NELL2: variants seen among roughly 807,000 people sequenced by gnomAD.
The protein encoded by NELL2 is neural EGFL like 2.
Under a neutral mutation model 109.6 loss-of-function variants are expected in NELL2, and 41 were observed. That is an observed-to-expected ratio of 0.37 (90% confidence interval 0.29 to 0.49). NELL2 has a LOEUF of 0.49. Among genes scored for constraint, NELL2 ranks in the 20% least tolerant of loss-of-function variants. The pLI, the probability that NELL2 is intolerant of heterozygous loss-of-function variation, is 0.98. For missense variants in NELL2, 900 were observed against 1,008.3 expected, an observed-to-expected ratio of 0.89 and a Z score of 1.45; for synonymous variants, 355 against 344.7, an observed-to-expected ratio of 1.03 and a Z score of -0.33.
At chr12:44,901,313 T>C (rs1243771350) in intron 1 of NELL2, among the ~76,000 whole-genome samples, 7 of 152,146 alleles carry the variant, frequency 4.6e-5, no homozygotes, top group Non-Finnish European at 7.4e-5. Context: ...AATGGATAAA[T>C]TCCTGGACAC....
chr12:44,652,868 T>C (rs530252970), intron 13 of NELL2, among the ~76,000 whole-genome samples: 1 of 152,318 alleles, frequency 6.6e-6, no homozygotes, highest in South Asian at 2.1e-4. Context: ...TGCTAGAGGA[T>C]GTCTATGTTC....
At chr12:44,889,450 A>G (rs1367193898) in intron 1 of NELL2, among the ~76,000 whole-genome samples, 1 of 151,968 alleles carries the variant, frequency 6.6e-6, no homozygotes, top group Non-Finnish European at 1.5e-5. Flanking sequence ...CAGAGTGAGC[A>G]TTGGCTGCTT....
chr12:44,873,844 A>G (rs1266053077), intron 2 of NELL2, among the ~76,000 whole-genome samples: 3 of 152,082 alleles, frequency 2.0e-5, no homozygotes, highest in Admixed American at 1.3e-4. Context: ...ATATTTGGTC[A>G]TTGTTTTTAA....
intron 2 of NELL2, among the ~76,000 whole-genome samples, chr12:44,866,424 T>C (rs1187088539): frequency 6.6e-6 from 1 of 152,058 alleles, no homozygotes; most frequent in East Asian, 1.9e-4. Context: ...AGAAGACATC[T>C]TGAAACACAT....
At chr12:44,839,356 T>G (rs1944152341) in intron 2 of NELL2, among the ~76,000 whole-genome samples, 1 of 152,096 alleles carries the variant, frequency 6.6e-6, no homozygotes, top group African/African-American at 2.4e-5. Context: ...AAGACTATAT[T>G]GGAAGAAACA....
At chr12:44,568,418 A>G (rs1943738905) in intron 15 of NELL2, among the ~76,000 whole-genome samples, 1 of 152,146 alleles carries the variant, frequency 6.6e-6, no homozygotes, top group African/African-American at 2.4e-5. Flanking sequence ...ATCTGATATC[A>G]TGAAGATGAA....
At chr12:44,666,487 T>C (rs555508169) in intron 12 of NELL2, among the ~76,000 whole-genome samples, 30 of 152,354 alleles carry the variant, frequency 2.0e-4, no homozygotes, top group Non-Finnish European at 3.7e-4. Flanking sequence ...TAGCACTGAA[T>C]TCATTTATAC....
At chr12:44,832,956 T>C (rs1029983790) in intron 2 of NELL2, among the ~76,000 whole-genome samples, 1 of 152,160 alleles carries the variant, frequency 6.6e-6, no homozygotes, top group African/African-American at 2.4e-5. Context: ...GGTTTGAGTA[T>C]TTTCTTAGCA....
chr12:44,613,604 A>T (rs997880328), intron 13 of NELL2, among the ~76,000 whole-genome samples: 1 of 152,096 alleles, frequency 6.6e-6, no homozygotes, highest in Non-Finnish European at 1.5e-5. Context: ...TAATTCCTTT[A>T]CACTATCACT....
chr12:44,791,131 A>ATG, intron 3 of NELL2, among the ~76,000 whole-genome samples: 2 of 100,138 alleles, frequency 2.0e-5, no homozygotes, highest in African/African-American at 8.4e-5. Context: ...GTATATATAT[A>ATG]TATACACACG....
intron 2 of NELL2, among the ~76,000 whole-genome samples, chr12:44,855,294 C>A (rs576576166): frequency 6.6e-6 from 1 of 152,246 alleles, no homozygotes; most frequent in Non-Finnish European, 1.5e-5. Context: ...GGATTCATCC[C>A]CAGAAATTTA....
At chr12:44,712,401 T>C (rs890182373) in intron 10 of NELL2, among the ~76,000 whole-genome samples, 1 of 152,086 alleles carries the variant, frequency 6.6e-6, no homozygotes, top group African/African-American at 2.4e-5. Context: ...GCTAGTCTTC[T>C]TTTGGTTTAG....
At chr12:44,696,581 C>T (rs1371621917) in intron 12 of NELL2, among the ~76,000 whole-genome samples, 1 of 152,112 alleles carries the variant, frequency 6.6e-6, no homozygotes, top group Non-Finnish European at 1.5e-5. Flanking sequence ...TTGCACTATT[C>T]AGAATAATTT....
intron 15 of NELL2, among the ~76,000 whole-genome samples, chr12:44,589,855 A>G (rs1944679672): frequency 6.6e-6 from 1 of 152,080 alleles, no homozygotes; most frequent in Non-Finnish European, 1.5e-5. Flanking sequence ...TTTCCAACCC[A>G]CTAAATACCA....
chr12:44,844,174 A>AAACCT (rs1944305852), intron 2 of NELL2, among the ~76,000 whole-genome samples: 1 of 152,224 alleles, frequency 6.6e-6, no homozygotes, highest in Admixed American at 6.5e-5. Context: ...CACAAGGGAG[A>AAACCT]AACCTTTACA....
intron 2 of NELL2, among the ~76,000 whole-genome samples, chr12:44,816,592 A>G (rs1053979762): frequency 6.6e-6 from 1 of 152,140 alleles, no homozygotes; most frequent in African/African-American, 2.4e-5. Flanking sequence ...TCTATGTGCC[A>G]CCCTCCACAT....
At chr12:44,512,766 T>A (rs1180257246) in intron 19 of NELL2, among the ~76,000 whole-genome samples, 1 of 151,950 alleles carries the variant, frequency 6.6e-6, no homozygotes, top group Admixed American at 6.6e-5. Flanking sequence ...AGCTAAAAAA[T>A]TCATCTTATA....
chr12:44,670,423 G>A (rs583575), intron 12 of NELL2, among the ~76,000 whole-genome samples: 78,464 of 151,338 alleles, frequency 0.52, 21,365 homozygotes, highest in East Asian at 0.73. Context: ...AGAATATGTA[G>A]AACAATCAGA....
chr12:44,580,485 G>A (rs1372654511), intron 15 of NELL2, among the ~76,000 whole-genome samples: 5 of 152,146 alleles, frequency 3.3e-5, no homozygotes, highest in Admixed American at 3.3e-4. Flanking sequence ...GGGAGGCCGA[G>A]GTGGGCAGAT....
Sources: gnomAD v4.1 joint callset for allele counts (sites outside exome capture counted in the v4.1 genomes callset) on GRCh38, gnomAD v4.1.1 for gene constraint, MANE v1.5 for transcripts, NCBI Gene and HGNC (gene_info 2026-07-23, HGNC 2026-07-21) for gene names.